Variants in MGA observed in about 807,000 individuals in gnomAD.
MGA encodes the protein MAX dimerization protein MGA, also known as MAX gene-associated protein.
A neutral mutation model predicts 261.1 loss-of-function variants in MGA; 40 were observed. That is an observed-to-expected ratio of 0.15 (90% CI 0.12 to 0.20). The LOEUF is 0.20. MGA is among the 10% of genes least tolerant of loss of function. MGA has a pLI of 1.00. For missense variants in MGA, 3,397 were observed against 3,630.5 expected (o/e 0.94, Z 1.65); for synonymous variants, 1,302 against 1,290.6 (o/e 1.01, Z -0.19).
intron 8 of MGA, 65 bp from the exon 9 acceptor site, chr15:41,713,086 C>T (rs2060466462): frequency 6.4e-7 from 1 of 1,567,958 alleles, no homozygotes; most frequent in Non-Finnish European, 8.6e-7. Context: ...CAGTATATGA[C>T]CATAAGTTGG....
chr15:41,677,367 C>T (rs1395098611), intron 2 of MGA, among the ~76,000 whole-genome samples: 2 of 152,192 alleles, frequency 1.3e-5, no homozygotes, highest in African/African-American at 4.8e-5. Flanking sequence ...GTTTCGAACT[C>T]CTGACCTCAG....
At chr15:41,726,370 A>G (rs1252304729) in intron 9 of MGA, among the ~76,000 whole-genome samples, 3 of 152,176 alleles carry the variant, frequency 2.0e-5, no homozygotes, top group Non-Finnish European at 4.4e-5. Flanking sequence ...AATGCTTAGA[A>G]CTATTGAATA....
chr15:41,633,400 C>G (rs190321484), intron 1 of MGA, among the ~76,000 whole-genome samples: 1 of 147,316 alleles, frequency 6.8e-6, no homozygotes, highest in Non-Finnish European at 1.5e-5. Context: ...GTTGCCCAGG[C>G]TGGAGTGCAG....
At chr15:41,684,575 A>AT in intron 2 of MGA, 1 of 307,264 alleles carries the variant, frequency 3.3e-6, no homozygotes. Context: ...TCTCAGGAAG[A>AT]TGTGAAAGCA....
intron 9 of MGA, among the ~76,000 whole-genome samples, chr15:41,721,851 A>G (rs2060956658): frequency 6.6e-6 from 1 of 152,312 alleles, no homozygotes; most frequent in South Asian, 2.1e-4. Context: ...GTTTGACTCC[A>G]GAGTAACAAG....
At chr15:41,705,363 CTT>C (rs879850885) in intron 5 of MGA, among the ~76,000 whole-genome samples, 1 of 145,930 alleles carries the variant, frequency 6.9e-6, no homozygotes, top group African/African-American at 2.5e-5. Flanking sequence ...TTCTTGAGGT[CTT>C]TTTTTTTTTC....
intron 2 of MGA, among the ~76,000 whole-genome samples, chr15:41,670,990 C>T (rs1313036649): frequency 6.6e-6 from 1 of 152,026 alleles, no homozygotes; most frequent in African/African-American, 2.4e-5. Flanking sequence ...ATTTTTCTTC[C>T]CTTCTTCAAT....
chr15:41,631,478 GGC>G (rs2056587075), intron 1 of MGA, among the ~76,000 whole-genome samples: 1 of 151,776 alleles, frequency 6.6e-6, no homozygotes, highest in African/African-American at 2.4e-5. Flanking sequence ...GACCAACCTG[GGC>G]AACATAGCGA....
intron 2 of MGA, among the ~76,000 whole-genome samples, chr15:41,687,908 A>G (rs761025729): frequency 6.6e-6 from 1 of 151,536 alleles, no homozygotes; most frequent in Non-Finnish European, 1.5e-5. Flanking sequence ...ATGGGTTAAA[A>G]TCTCCCACCG....
chr15:41,681,053 A>C (rs1002650642), intron 2 of MGA, among the ~76,000 whole-genome samples: 2 of 152,176 alleles, frequency 1.3e-5, no homozygotes, highest in African/African-American at 4.8e-5. Flanking sequence ...GTCACTCTGG[A>C]AATACCAAAG....
intron 9 of MGA, 126 bp from the exon 10 acceptor site, chr15:41,727,054 C>T: frequency 4.7e-6 from 3 of 639,348 alleles, no homozygotes; most frequent in East Asian, 5.6e-5. Flanking sequence ...GGGAGGGGGT[C>T]GTCTATTTGA....
intron 14 of MGA, among the ~76,000 whole-genome samples, chr15:41,742,008 C>A (rs1350502682): frequency 6.6e-6 from 1 of 151,426 alleles, no homozygotes; most frequent in African/African-American, 2.4e-5. Flanking sequence ...CTGTGTCTGG[C>A]CTGGAACACT....
At position 41,669,884 on chromosome 15, in the gene MGA, A is replaced by G. The variant is rs566853579; in HGVS notation, c.990A>G (p.Arg330=). ...AGAAGACTTCCCTTAATATAAAACGAGACTTTCTTGGTTTCATGGATACTG... is the reference window on the plus strand; with the variant it reads ...AGAAGACTTCCCTTAATATAAAACGGGACTTTCTTGGTTTCATGGATACTG... Residue 330 remains arginine, a synonymous_variant, in exon 2 of 24, where the codon CGA becomes CGG. Coordinates refer to ENST00000219905, the MANE Select transcript of MGA (RefSeq NM_001164273.2). The G allele has an allele frequency of 6.2e-7, 1 of 1,613,962 alleles. No individual in the cohort carries two copies. Among genetic ancestry groups the G allele is most frequent in the Non-Finnish European group, 8.5e-7 (1 of 1,179,886 alleles).
intron 17 of MGA, among the ~76,000 whole-genome samples, chr15:41,753,775 A>T (rs529059255): frequency 6.6e-6 from 1 of 152,000 alleles, no homozygotes; most frequent in East Asian, 1.9e-4. Flanking sequence ...TCTTTCACCA[A>T]ATTTTATTTT....
In MGA at chr15:41,696,782, T is replaced by A; in HGVS notation, c.1772T>A (p.Leu591His). The change falls in exon 3 of 24, where the codon CTT (leucine) becomes CAT (histidine). Residue 591 changes from leucine to histidine, a missense_variant. Physicochemically the swap from Leu to His is moderately conservative, Grantham distance 99 (BLOSUM62 -3). Transcript: ENST00000219905. ...TTGGGCAGAAAGAGAACAACTATGC[T>A]TAAGATTGCAACAGCCGCAAAGGTA... 1 of 1,607,354 alleles carries A rather than the reference T, an allele frequency of 6.2e-7. No homozygotes were observed. The highest frequency in any genetic ancestry group is 8.5e-7 in the Non-Finnish European group (1 of 1,176,848).
At chr15:41,626,886 T>C (rs1004248319) in intron 1 of MGA, among the ~76,000 whole-genome samples, 1 of 152,108 alleles carries the variant, frequency 6.6e-6, no homozygotes, top group African/African-American at 2.4e-5. Context: ...GTTTTTGAGA[T>C]GGAGTCTCTC....
intron 2 of MGA, among the ~76,000 whole-genome samples, chr15:41,685,360 A>G (rs746867748): frequency 2.0e-5 from 3 of 152,162 alleles, no homozygotes; most frequent in Non-Finnish European, 4.4e-5. Context: ...GTGCTGTCTT[A>G]ATGGTAGTAG....
chr15:41,757,744 T>C, intron 18 of MGA, 44 bp from the exon 19 acceptor site: 1 of 1,513,036 alleles, frequency 6.6e-7, no homozygotes, highest in Non-Finnish European at 9.1e-7. Flanking sequence ...GGTCTTAGAT[T>C]ATTAAATTTC....
intron 2 of MGA, among the ~76,000 whole-genome samples, chr15:41,679,704 T>TTG (rs757930127): frequency 5.3e-5 from 8 of 151,744 alleles, no homozygotes; most frequent in South Asian, 2.1e-4. Flanking sequence ...AGTGAGTGGC[T>TTG]TGTGTGTGTG....
Sources: gnomAD v4.1 joint callset for allele counts (sites outside exome capture counted in the v4.1 genomes callset) on GRCh38, gnomAD v4.1.1 for gene constraint, MANE v1.5 for transcripts, NCBI Gene and HGNC (gene_info 2026-07-23, HGNC 2026-07-21) for gene names.